The following CRLF3 variants were observed in gnomAD, a reference collection of about 807,000 sequenced individuals.
CRLF3 encodes cytokine receptor like factor 3, also known as cytokine receptor-like factor 3.
CRLF3 carries 33 observed loss-of-function variants against 55.0 expected under a neutral mutation model. That is an observed-to-expected ratio of 0.60 (90% CI 0.46 to 0.80). The LOEUF is 0.80. Among genes scored for constraint, CRLF3 ranks in the 30% least tolerant of loss-of-function variants. The pLI, the probability that CRLF3 is intolerant of heterozygous loss-of-function variation, is 0.00. For synonymous variants in CRLF3, 238 were observed against 196.8 expected (o/e 1.21, Z -1.75); for missense variants, 494 against 538.4 (o/e 0.92, Z 0.82).
chr17:30,803,174 A>ATATAT (rs112483503), intron 2 of CRLF3, among the ~76,000 whole-genome samples: 7 of 149,820 alleles, frequency 4.7e-5, no homozygotes, highest in African/African-American at 1.5e-4. Context: ...TCAAAAAAAA[A>ATATAT]ATATATATAT....
At chr17:30,795,422 G>T (rs999990597) in intron 4 of CRLF3, among the ~76,000 whole-genome samples, 47 of 152,098 alleles carry the variant, frequency 3.1e-4, no homozygotes, top group African/African-American at 1.0e-3. Flanking sequence ...CTTGAACCCG[G>T]GAGACGGAGG....
intron 1 of CRLF3, among the ~76,000 whole-genome samples, chr17:30,812,306 C>A (rs558975936): frequency 6.6e-6 from 1 of 152,176 alleles, no homozygotes; most frequent in East Asian, 1.9e-4. Flanking sequence ...CAGCTATTAT[C>A]TACTGAGTAC....
At chr17:30,804,421 T>TA (rs1478546848) in intron 1 of CRLF3, among the ~76,000 whole-genome samples, 1 of 152,206 alleles carries the variant, frequency 6.6e-6, no homozygotes, top group Non-Finnish European at 1.5e-5. Flanking sequence ...CCCTATCCTG[T>TA]ACTTGAGCTC....
chr17:30,809,045 T>C (rs535527386), intron 1 of CRLF3, among the ~76,000 whole-genome samples: 1 of 152,346 alleles, frequency 6.6e-6, no homozygotes, highest in East Asian at 1.9e-4. Context: ...GGTCCTGTCT[T>C]GCTCTTTAGC....
At chr17:30,815,072 TTTTC>T (rs577690614) in intron 1 of CRLF3, among the ~76,000 whole-genome samples, 14,246 of 145,164 alleles carry the variant, frequency 0.098, 762 homozygotes, top group South Asian at 0.22. Flanking sequence ...TTTCTTTCTT[TTTTC>T]TTTCTTTCTT....
At chr17:30,816,087 GC>G (rs1904794776) in intron 1 of CRLF3, among the ~76,000 whole-genome samples, 1 of 151,012 alleles carries the variant, frequency 6.6e-6, no homozygotes, top group Admixed American at 6.6e-5. Flanking sequence ...TTCGAGACCA[GC>G]CTGGCAAATA....
intron 2 of CRLF3, among the ~76,000 whole-genome samples, chr17:30,803,172 A>AT (rs1189977726): frequency 2.7e-5 from 4 of 150,776 alleles, no homozygotes; most frequent in Admixed American, 6.6e-5. Context: ...TGTCAAAAAA[A>AT]AAATATATAT....
At chr17:30,803,174 A>AAT (rs1555549204) in intron 2 of CRLF3, among the ~76,000 whole-genome samples, 1,818 of 149,902 alleles carry the variant, frequency 0.012, 23 homozygotes, top group South Asian at 0.017. Context: ...TCAAAAAAAA[A>AAT]ATATATATAT....
In CRLF3 at chr17:30,783,904, G is replaced by T; in HGVS notation, c.*283C>A. 3.4e-6 allele frequency: 1 copy of T among 293,470 alleles called. No individual in the cohort carries two copies. The highest frequency in any genetic ancestry group is 6.4e-6 in the Non-Finnish European group (1 of 157,170). The allele number at this position is 293,470 out of a possible 1,614,324, so 18.2% of individuals were successfully genotyped here. ...CCAACTTTGAGAAGTACAGTGGAAGGGTATAGAACTTCCTATATCTTCTAT... is the reference window on the plus strand; with the variant it reads ...CCAACTTTGAGAAGTACAGTGGAAGTGTATAGAACTTCCTATATCTTCTAT... On this transcript the variant is annotated 3_prime_UTR_variant, in exon 8 of 8. Transcript: ENST00000324238.
rs1359256348 is a variant in CRLF3, at chr17:30,783,548, C to T, written c.*639G>A. Reference sequence around the variant, plus strand: ...AGGAGGATCGCTTGAACGTGGGAGGCAGAGGTTGCAGTGAACTGAGATCAC... The same window carrying T: ...AGGAGGATCGCTTGAACGTGGGAGGTAGAGGTTGCAGTGAACTGAGATCAC... On this transcript the variant is annotated 3_prime_UTR_variant, in exon 8 of 8. Transcript: ENST00000324238. 6.6e-6 allele frequency: 1 copy of T among 152,144 alleles called. No individual in the cohort carries two copies. The highest frequency in any genetic ancestry group is 1.9e-4 in the East Asian group (1 of 5,202). The allele number at this position is 152,144 out of a possible 1,614,324, so 9.4% of individuals were successfully genotyped here.
At chr17:30,821,149 G>A (rs1904984571) in intron 1 of CRLF3, among the ~76,000 whole-genome samples, 1 of 151,544 alleles carries the variant, frequency 6.6e-6, no homozygotes, top group African/African-American at 2.4e-5. Flanking sequence ...CAGGAGGCTG[G>A]ACAACATGGC....
At chr17:30,788,945 C>T (rs1971718708) in intron 6 of CRLF3, among the ~76,000 whole-genome samples, 1 of 152,046 alleles carries the variant, frequency 6.6e-6, no homozygotes, top group Non-Finnish European at 1.5e-5. Context: ...CTTCTAACTA[C>T]TAGGCCCTTA....
Position 30,792,121 on chromosome 17 carries a change from TAC to T in CRLF3, c.959+317_959+318del, listed in dbSNP as rs201039528. Among the ~76,000 whole-genome samples the T allele has an allele frequency of 4.3e-4, 65 of 152,308 alleles. 1 individual carries two copies. In the East Asian group the frequency reaches 0.012, roughly 29 times the overall value. ...CCTCGGCCTACCAAAGTGCTGGGGT[TAC>T]AGGTGTGAACCACTATGCCCAGCCT... On this transcript the variant is annotated intron_variant, in intron 6 of 7. Transcript: ENST00000324238.
intron 6 of CRLF3, among the ~76,000 whole-genome samples, chr17:30,789,492 A>T (rs1971737597): frequency 2.0e-5 from 3 of 152,196 alleles, no homozygotes. Flanking sequence ...AGTAATAGAG[A>T]AACTGTAGAC....
chr17:30,793,650 TG>T lies in CRLF3; in HGVS notation c.625del (p.Gln209LysfsTer20). On this transcript the variant is annotated frameshift_variant, in exon 5 of 8. Coordinates refer to ENST00000324238, the MANE Select transcript of CRLF3 (RefSeq NM_015986.4). LOFTEE classifies it high-confidence loss of function. ...WCKVDDDFTA[Q>X]DYRLQFRKCT... ...TTTACGAAACTGGAGCCTGTAATCT[TG>T]GGCTGTAAAGTCATCATCCACCTAG... 6.2e-7 allele frequency: 1 copy of T among 1,613,690 alleles called. No homozygotes were observed. The highest frequency in any genetic ancestry group is 8.5e-7 in the Non-Finnish European group (1 of 1,179,664).
At chr17:30,813,295 T>C (rs1048979368) in intron 1 of CRLF3, among the ~76,000 whole-genome samples, 3 of 152,168 alleles carry the variant, frequency 2.0e-5, no homozygotes, top group Non-Finnish European at 4.4e-5. Flanking sequence ...AGGCCTAGTA[T>C]GTGTCAGAAA....
intron 6 of CRLF3, among the ~76,000 whole-genome samples, chr17:30,788,633 C>CAGTGAG (rs1971710015): frequency 8.8e-6 from 1 of 113,838 alleles, no homozygotes; most frequent in Admixed American, 1.1e-4. Flanking sequence ...TTTGAGACAG[C>CAGTGAG]ATCTCACTCT....
chr17:30,788,334 A>AAAAAAAAAG (rs1555547410), intron 6 of CRLF3, among the ~76,000 whole-genome samples: 6 of 148,634 alleles, frequency 4.0e-5, no homozygotes, highest in Non-Finnish European at 8.9e-5. Context: ...TCAAAAAAAA[A>AAAAAAAAAG]AAAAGAAAAG....
intron 1 of CRLF3, among the ~76,000 whole-genome samples, chr17:30,820,897 TAAAC>T (rs1052223676): frequency 4.7e-5 from 7 of 148,678 alleles, no homozygotes; most frequent in Non-Finnish European, 8.9e-5. Context: ...TAAAAAAAAT[TAAAC>T]AAAATTAGGC....
Sources: gnomAD v4.1 joint callset for allele counts (sites outside exome capture counted in the v4.1 genomes callset) on GRCh38, gnomAD v4.1.1 for gene constraint, MANE v1.5 for transcripts, NCBI Gene and HGNC (gene_info 2026-07-23, HGNC 2026-07-21) for gene names.